PLCL2: variants seen among roughly 807,000 people sequenced by gnomAD.
The protein encoded by PLCL2 is phospholipase C like 2.
In PLCL2, 4 loss-of-function variants were observed where a neutral mutation model predicts 79.6. That is an observed-to-expected ratio of 0.05 (90% CI 0.02 to 0.11). PLCL2 has a LOEUF of 0.11. PLCL2 is among the 10% of genes least tolerant of loss of function. The pLI is 1.00. For missense variants in PLCL2, 895 were observed against 1,291.0 expected, an observed-to-expected ratio of 0.69 and a Z score of 4.70; for synonymous variants, 484 against 457.7, an observed-to-expected ratio of 1.06 and a Z score of -0.73.
intron 1 of PLCL2, among the ~76,000 whole-genome samples, chr3:16,967,509 A>G (rs993451550): frequency 5.3e-5 from 8 of 151,794 alleles, no homozygotes; most frequent in Non-Finnish European, 1.0e-4. Context: ...GCATTTCTCT[A>G]ATGATTATTG....
chr3:16,976,782 A>G (rs988270899), intron 1 of PLCL2, among the ~76,000 whole-genome samples: 2 of 152,186 alleles, frequency 1.3e-5, no homozygotes, highest in African/African-American at 4.8e-5. Flanking sequence ...TATTTATTTC[A>G]ATCTTTAGCT....
chr3:16,971,481 G>T (rs1316277349), intron 1 of PLCL2, among the ~76,000 whole-genome samples: 2 of 152,228 alleles, frequency 1.3e-5, no homozygotes, highest in East Asian at 3.9e-4. Flanking sequence ...GTCAGGTAGC[G>T]TGATGCCTCC....
chr3:17,081,103 T>G, intron 5 of PLCL2: 1 of 451,478 alleles, frequency 2.2e-6, no homozygotes, highest in Non-Finnish European at 4.5e-6. Context: ...TAATAGCACT[T>G]CCCTTGCATC....
At chr3:17,052,814 G>T (rs78539079) in intron 4 of PLCL2, among the ~76,000 whole-genome samples, 1 of 151,926 alleles carries the variant, frequency 6.6e-6, no homozygotes, top group African/African-American at 2.4e-5. Flanking sequence ...TCTCTTCCTC[G>T]TGATTTTCTT....
At chr3:17,005,272 T>G (rs2064250036) in intron 1 of PLCL2, among the ~76,000 whole-genome samples, 1 of 152,278 alleles carries the variant, frequency 6.6e-6, no homozygotes, top group Middle Eastern at 3.4e-3. Context: ...CTCCACAACT[T>G]GGTTTCTTGT....
At chr3:16,941,281 A>T (rs78222630) in intron 1 of PLCL2, among the ~76,000 whole-genome samples, 3,172 of 152,194 alleles carry the variant, frequency 0.021, 54 homozygotes, top group South Asian at 0.043. Flanking sequence ...ATCACCTCTC[A>T]ATTCCACTGT....
chr3:17,083,273 A>G (rs1048971477), intron 5 of PLCL2, among the ~76,000 whole-genome samples: 4 of 152,166 alleles, frequency 2.6e-5, no homozygotes, highest in African/African-American at 9.7e-5. Flanking sequence ...GATGGCATCA[A>G]GGGGAGGGGA....
chr3:16,961,185 G>A (rs969403611), intron 1 of PLCL2, among the ~76,000 whole-genome samples: 2 of 152,192 alleles, frequency 1.3e-5, no homozygotes, highest in Non-Finnish European at 2.9e-5. Flanking sequence ...TTGTATACTC[G>A]TGGTATTTAG....
intron 3 of PLCL2, among the ~76,000 whole-genome samples, chr3:17,029,554 T>G (rs530737623): frequency 1.3e-5 from 2 of 152,062 alleles, no homozygotes; most frequent in East Asian, 3.9e-4. Context: ...ATAAATCAAT[T>G]GTTACATGAG....
At chr3:16,964,864 GTTGT>G (rs1247649864) in intron 1 of PLCL2, among the ~76,000 whole-genome samples, 4 of 152,004 alleles carry the variant, frequency 2.6e-5, no homozygotes, top group Admixed American at 6.6e-5. Context: ...TTTTGATAGG[GTTGT>G]TTGTTTTTTT....
intron 3 of PLCL2, among the ~76,000 whole-genome samples, chr3:17,038,354 G>A (rs2064680472): frequency 2.6e-5 from 4 of 152,200 alleles, no homozygotes; most frequent in Admixed American, 2.0e-4. Context: ...TCTGATTGCT[G>A]TGCCAAGACT....
intron 1 of PLCL2, among the ~76,000 whole-genome samples, chr3:16,953,083 A>G (rs1164070317): frequency 6.6e-6 from 1 of 152,170 alleles, no homozygotes; most frequent in Non-Finnish European, 1.5e-5. Flanking sequence ...AGGAAACATT[A>G]AACAAGTCTT....
intron 1 of PLCL2, among the ~76,000 whole-genome samples, chr3:16,936,379 T>C (rs1697539222): frequency 1.3e-5 from 2 of 152,190 alleles, no homozygotes; most frequent in African/African-American, 4.8e-5. Context: ...GGGCTCCTTA[T>C]CGAAGCCCTG....
intron 1 of PLCL2, among the ~76,000 whole-genome samples, chr3:16,972,423 T>C (rs1202130495): frequency 6.6e-6 from 1 of 152,226 alleles, no homozygotes; most frequent in Non-Finnish European, 1.5e-5. Flanking sequence ...TTTTGTTGTG[T>C]GGTCAGTTTT....
intron 1 of PLCL2, among the ~76,000 whole-genome samples, chr3:16,923,516 A>G (rs1435077785): frequency 6.6e-6 from 1 of 152,186 alleles, no homozygotes; most frequent in African/African-American, 2.4e-5. Flanking sequence ...ACTTTTATTG[A>G]TAAGGAATTC....
intron 4 of PLCL2, among the ~76,000 whole-genome samples, chr3:17,055,106 C>G (rs2064879708): frequency 6.6e-6 from 1 of 152,142 alleles, no homozygotes; most frequent in Non-Finnish European, 1.5e-5. Context: ...TGTTACAGGA[C>G]ACATAAATTG....
chr3:16,969,317 A>G (rs568666436), intron 1 of PLCL2, among the ~76,000 whole-genome samples: 1 of 152,216 alleles, frequency 6.6e-6, no homozygotes, highest in South Asian at 2.1e-4. Flanking sequence ...AGTAGAAATG[A>G]TACCAGCTCT....
At chr3:16,895,788 T>A (rs561046698) in intron 1 of PLCL2, among the ~76,000 whole-genome samples, 2 of 152,338 alleles carry the variant, frequency 1.3e-5, no homozygotes, top group South Asian at 4.1e-4. Context: ...AAACAGCAGA[T>A]GACTGCCCTA....
intron 1 of PLCL2, among the ~76,000 whole-genome samples, chr3:16,952,077 T>C (rs945017638): frequency 3.3e-5 from 5 of 151,814 alleles, no homozygotes; most frequent in Non-Finnish European, 7.4e-5. Flanking sequence ...CATCCATTCA[T>C]TTAAAGTAAA....
Sources: allele counts gnomAD v4.1 joint callset (sites outside exome capture counted in the v4.1 genomes callset), GRCh38; gene constraint gnomAD v4.1.1; transcripts MANE v1.5; gene names NCBI Gene and HGNC (gene_info 2026-07-23, HGNC 2026-07-21).